PLXDC1: variants seen among roughly 807,000 people sequenced by gnomAD.
PLXDC1 encodes plexin domain containing 1, also known as plexin domain-containing protein 1.
In PLXDC1, 39 loss-of-function variants were observed where a neutral mutation model predicts 61.3. The observed-to-expected ratio is 0.64, with a 90% confidence interval of 0.49 to 0.83. PLXDC1 has a LOEUF of 0.83. Among genes scored for constraint, PLXDC1 ranks in the 40% least tolerant of loss-of-function variants. The pLI, the probability that PLXDC1 is intolerant of heterozygous loss-of-function variation, is 0.00. For missense variants in PLXDC1, 596 were observed against 666.5 expected (o/e 0.89, Z 1.17); for synonymous variants, 212 against 254.5 (o/e 0.83, Z 1.59).
chr17:39,079,239 G>T, intron 9 of PLXDC1, 75 bp from the exon 10 acceptor site: 1 of 1,277,086 alleles, frequency 7.8e-7, no homozygotes, highest in Non-Finnish European at 1.1e-6. Flanking sequence ...TTCAGTAACA[G>T]CTCTCTGCTG....
At chr17:39,086,830 C>CTAG (rs1410156937) in intron 8 of PLXDC1, among the ~76,000 whole-genome samples, 1 of 120,626 alleles carries the variant, frequency 8.3e-6, no homozygotes, top group Non-Finnish European at 1.6e-5. Flanking sequence ...CCACTGCACT[C>CTAG]TAGCCTGGGC....
intron 13 of PLXDC1, among the ~76,000 whole-genome samples, chr17:39,068,865 T>TG (rs1432751757): frequency 6.6e-6 from 1 of 152,040 alleles, no homozygotes; most frequent in Non-Finnish European, 1.5e-5. Flanking sequence ...GTGACCCACG[T>TG]GGAAGAAACT....
At position 39,094,599 on chromosome 17, in the gene PLXDC1, A is replaced by G. The variant is rs143831990; in HGVS notation, c.812-6897T>C. ...CTCTCCTGGCCACTCCCGCAGCCAG[A>G]CCACAAGCTCCGCTAAGACAGAGTC... On this transcript the variant is annotated intron_variant, in intron 7 of 13. Coordinates refer to ENST00000315392, the MANE Select transcript of PLXDC1 (RefSeq NM_020405.5). 1.6e-3 allele frequency among the ~76,000 whole-genome samples: 239 copies of G among 152,272 alleles called. 1 individual carries two copies. Among genetic ancestry groups the G allele is most frequent in the African/African-American group, 5.1e-3 (211 of 41,550 alleles).
intron 2 of PLXDC1, among the ~76,000 whole-genome samples, chr17:39,118,609 A>G (rs982541817): frequency 6.6e-6 from 1 of 152,216 alleles, no homozygotes; most frequent in Non-Finnish European, 1.5e-5. Context: ...TGTACCAGAC[A>G]TGTTTTAGGA....
At chr17:39,094,863 C>T (rs1910090899) in intron 7 of PLXDC1, among the ~76,000 whole-genome samples, 1 of 152,194 alleles carries the variant, frequency 6.6e-6, no homozygotes, top group Admixed American at 6.5e-5. Context: ...ATGCCGCCTC[C>T]TAAGCTAGAT....
chr17:39,115,994 A>G (rs1339937335), intron 2 of PLXDC1, among the ~76,000 whole-genome samples: 1 of 152,164 alleles, frequency 6.6e-6, no homozygotes, highest in African/African-American at 2.4e-5. Context: ...GCATGCCTGT[A>G]ATCCCAGCTA....
intron 1 of PLXDC1, among the ~76,000 whole-genome samples, chr17:39,148,581 T>C (rs1036705118): frequency 1.3e-5 from 2 of 151,720 alleles, no homozygotes; most frequent in African/African-American, 4.8e-5. Context: ...ATAATATTAA[T>C]AACAATACTA....
At chr17:39,105,987 C>A in intron 6 of PLXDC1, 34 bp from the exon 7 acceptor site, 1 of 1,492,728 alleles carries the variant, frequency 6.7e-7, no homozygotes, top group South Asian at 1.2e-5. Context: ...GTCCACCTCC[C>A]AAACGCTCTG....
At chr17:39,108,877 C>A (rs553858255) in intron 4 of PLXDC1, 27 bp downstream of exon 4, 2 of 1,573,526 alleles carry the variant, frequency 1.3e-6, no homozygotes, top group Non-Finnish European at 1.7e-6. Flanking sequence ...TCCAGACTCT[C>A]CCCGGGGCCC....
intron 2 of PLXDC1, among the ~76,000 whole-genome samples, chr17:39,129,679 G>T (rs1201090266): frequency 6.1e-5 from 2 of 32,560 alleles, no homozygotes; most frequent in African/African-American, 3.1e-4. Flanking sequence ...GAGAGAGAGA[G>T]GGAGAAAGAA....
At chr17:39,139,562 T>C (rs1911862979) in intron 2 of PLXDC1, 92 bp downstream of exon 2, 1 of 1,221,972 alleles carries the variant, frequency 8.2e-7, no homozygotes. Context: ...AAATGATATG[T>C]GATTTGCATG....
chr17:39,114,871 C>T (rs1270375967), intron 2 of PLXDC1, among the ~76,000 whole-genome samples: 4 of 152,206 alleles, frequency 2.6e-5, no homozygotes, highest in South Asian at 2.1e-4. Flanking sequence ...TCCTGGGCCC[C>T]GCACAGCGAG....
intron 2 of PLXDC1, among the ~76,000 whole-genome samples, chr17:39,134,084 C>T (rs964172105): frequency 7.9e-5 from 12 of 151,944 alleles, no homozygotes; most frequent in African/African-American, 1.4e-4. Flanking sequence ...GGTGAAACCC[C>T]ATCTCTACTA....
At position 39,075,816 on chromosome 17, in the gene PLXDC1, G is replaced by A. The variant is rs561428489; in HGVS notation, c.1186+2097C>T. 1.2e-4 allele frequency among the ~76,000 whole-genome samples: 19 copies of A among 152,328 alleles called. No individual in the cohort carries two copies. In the South Asian group the frequency reaches 2.7e-3, roughly 22 times the overall value. On this transcript the variant is annotated intron_variant, in intron 11 of 13. Transcript: ENST00000315392. Reference sequence around the variant, plus strand: ...GGACACACCAGGTGCAGTGGCTCACGCCTGTAATCCTAAGACTTTGGGAAG... The same window carrying A: ...GGACACACCAGGTGCAGTGGCTCACACCTGTAATCCTAAGACTTTGGGAAG...
In PLXDC1 at chr17:39,066,942, GT is replaced by G. The variant is rs1908918515; in HGVS notation, c.*897del. Reference sequence around the variant, plus strand: ...TGCAGCAGCCCCAATCTTGACTTTAGTTAACCTGTGTCATATGCAGGGGCTT... The same window carrying G: ...TGCAGCAGCCCCAATCTTGACTTTAGTAACCTGTGTCATATGCAGGGGCTT... On this transcript the variant is annotated 3_prime_UTR_variant, in exon 14 of 14. Transcript: ENST00000315392. The G allele has an allele frequency of 6.6e-6, 1 of 152,230 alleles. No homozygotes were observed. The highest frequency in any genetic ancestry group is 2.4e-5 in the African/African-American group (1 of 41,442). The allele number at this position is 152,230 out of a possible 1,614,324, so 9.4% of individuals were successfully genotyped here. A position where few individuals can be genotyped will look rare whatever the true frequency, so the allele number is the denominator to read the frequency against.
chr17:39,072,030 T>A (rs1477699930), intron 12 of PLXDC1: 1 of 186,114 alleles, frequency 5.4e-6, no homozygotes, highest in African/African-American at 2.3e-5. Context: ...CAATTTTATG[T>A]CCTCTGCCAG....
At position 39,072,292 on chromosome 17, in the gene PLXDC1, C is replaced by T; in HGVS notation, c.1222+158G>A. ...CTAGGGCACCTGTGCCCAGAAGCCCCCCTGCCTCCCCACCCAGCAGGAGGT... is the reference window on the plus strand; with the variant it reads ...CTAGGGCACCTGTGCCCAGAAGCCCTCCTGCCTCCCCACCCAGCAGGAGGT... On this transcript the variant is annotated intron_variant, in intron 12 of 13. Coordinates refer to ENST00000315392, the MANE Select transcript of PLXDC1 (RefSeq NM_020405.5). 7 of 657,126 alleles carry T rather than the reference C, an allele frequency of 1.1e-5. No individual in the cohort carries two copies. In the South Asian group the frequency reaches 1.2e-4, roughly 11 times the overall value. The allele number at this position is 657,126 out of a possible 1,614,324, so 40.7% of individuals were successfully genotyped here. A position where few individuals can be genotyped will look rare whatever the true frequency, so the allele number is the denominator to read the frequency against.
At chr17:39,079,282 G>T in intron 9 of PLXDC1, 118 bp from the exon 10 acceptor site, 1 of 824,876 alleles carries the variant, frequency 1.2e-6, no homozygotes, top group Non-Finnish European at 2.1e-6. Context: ...TCCCCAGGCT[G>T]AGGTAGTCAG....
At chr17:39,079,289 T>A (rs1909463318) in intron 9 of PLXDC1, 125 bp from the exon 10 acceptor site, 1 of 770,588 alleles carries the variant, frequency 1.3e-6, no homozygotes, top group Non-Finnish European at 2.3e-6. Flanking sequence ...GCTGAGGTAG[T>A]CAGGCACTCC....
Sources: gnomAD v4.1 joint callset for allele counts (sites outside exome capture counted in the v4.1 genomes callset) on GRCh38, gnomAD v4.1.1 for gene constraint, MANE v1.5 for transcripts, NCBI Gene and HGNC (gene_info 2026-07-23, HGNC 2026-07-21) for gene names.